The following CD44 variants were observed in gnomAD, a reference collection of about 807,000 sequenced individuals.
CD44 encodes CD44 antigen.
A neutral mutation model predicts 88.8 loss-of-function variants in CD44; 49 were observed. The ratio of observed to expected loss-of-function variants is 0.55; its 90% CI spans 0.44 to 0.70. CD44 has a LOEUF of 0.70. CD44 is among the 30% of genes least tolerant of loss of function. The probability of loss-of-function intolerance (pLI) is 0.00; values close to 1 mark genes in which losing one functional copy is unlikely to be tolerated. For missense variants in CD44, 883 were observed against 913.8 expected, an observed-to-expected ratio of 0.97 and a Z score of 0.43; for synonymous variants, 325 against 312.3, an observed-to-expected ratio of 1.04 and a Z score of -0.43.
chr11:35,211,250 G>A lies in CD44; in HGVS notation c.1611G>A (p.Arg537=), dbSNP rs1948361425. 1.9e-6 allele frequency: 3 copies of A among 1,612,478 alleles called. No homozygotes were observed. The highest frequency in any genetic ancestry group is 4.5e-5 in the East Asian group (2 of 44,866). Residue 537 remains arginine (R), a synonymous_variant, in exon 14 of 18, where the codon AGG becomes AGA. Coordinates refer to ENST00000428726, the MANE Select transcript of CD44 (RefSeq NM_000610.4). ...PTTSTLTSSN[R]NDVTGGRRDP... is the part of the protein sequence containing the mutation. ...ACTGATTCCACCTCCACACAGATAG[G>A]AATGATGTCACAGGTGGAAGAAGAG...
chr11:35,148,604 G>A (rs1478721450), intron 1 of CD44, among the ~76,000 whole-genome samples: 2 of 152,178 alleles, frequency 1.3e-5, no homozygotes, highest in African/African-American at 2.4e-5. Flanking sequence ...CATTTAAAAA[G>A]AGAAAGTTTA....
intron 7 of CD44, among the ~76,000 whole-genome samples, chr11:35,199,934 GTTTTTTTTTTTT>G (rs60509735): frequency 4.4e-5 from 4 of 90,866 alleles, no homozygotes; most frequent in African/African-American, 1.8e-4. Context: ...CCATGGTGTT[GTTTTTTTTTTTT>G]TTTTTTTTTT....
intron 1 of CD44, among the ~76,000 whole-genome samples, chr11:35,148,523 A>T (rs1181983199): frequency 1.3e-5 from 2 of 152,144 alleles, no homozygotes; most frequent in Non-Finnish European, 2.9e-5. Flanking sequence ...ATTCCTGTAG[A>T]CTCCCTTAAG....
chr11:35,207,625 G>A (rs1028090802), intron 11 of CD44, among the ~76,000 whole-genome samples: 2 of 152,074 alleles, frequency 1.3e-5, no homozygotes, highest in Non-Finnish European at 2.9e-5. Context: ...CTTGGATGAC[G>A]ATTCTGTTTA....
At chr11:35,202,636 A>C (rs1293815355) in intron 9 of CD44, among the ~76,000 whole-genome samples, 2 of 152,196 alleles carry the variant, frequency 1.3e-5, no homozygotes, top group Non-Finnish European at 2.9e-5. Context: ...CTTAAAAGCC[A>C]CTTAAAAACC....
chr11:35,176,879 G>C (rs1441664023), intron 2 of CD44, 139 bp downstream of exon 2: 1 of 745,172 alleles, frequency 1.3e-6, no homozygotes. Flanking sequence ...ATTTGGCCAA[G>C]TCAATCTGCA....
intron 3 of CD44, among the ~76,000 whole-genome samples, chr11:35,182,898 A>G (rs1292889825): frequency 6.6e-6 from 1 of 152,212 alleles, no homozygotes; most frequent in East Asian, 1.9e-4. Context: ...AGGAACCTCA[A>G]CTCAGATAGA....
chr11:35,175,015 A>G (rs927102048), intron 1 of CD44, among the ~76,000 whole-genome samples: 1 of 152,204 alleles, frequency 6.6e-6, no homozygotes, highest in Non-Finnish European at 1.5e-5. Flanking sequence ...TGGGGGTTAG[A>G]CAAGGGTGTT....
chr11:35,143,034 G>T (rs1477669352), intron 1 of CD44, among the ~76,000 whole-genome samples: 1 of 152,112 alleles, frequency 6.6e-6, no homozygotes, highest in Non-Finnish European at 1.5e-5. Flanking sequence ...TGGGTGGGGA[G>T]GGTGTGGTCT....
At chr11:35,203,598 A>G (rs1294893745) in intron 9 of CD44, among the ~76,000 whole-genome samples, 5 of 152,166 alleles carry the variant, frequency 3.3e-5, no homozygotes, top group Non-Finnish European at 7.4e-5. Context: ...CATTACTGTC[A>G]CCAAATCACA....
chr11:35,181,682 TTA>T (rs1359979652), intron 3 of CD44, among the ~76,000 whole-genome samples: 4 of 136,694 alleles, frequency 2.9e-5, no homozygotes, highest in East Asian at 2.0e-4. Flanking sequence ...ATATATATAT[TTA>T]TATATATATT....
chr11:35,180,190 C>T (rs993782932), intron 2 of CD44, 84 bp from the exon 3 acceptor site: 28 of 1,369,620 alleles, frequency 2.0e-5, no homozygotes, highest in South Asian at 1.1e-4. Flanking sequence ...AAGTGTTGCA[C>T]GGCATTAAAT....
chr11:35,181,913 ATTATATATTATATTATATATAAATT>A lies in CD44; in HGVS notation c.367+1507_367+1531del, dbSNP rs1945115186. On this transcript the variant is annotated intron_variant, in intron 3 of 17. Transcript: ENST00000428726. ...ATATATAATATAATATATAATATAT[ATTATATATTATATTATATATAAATT>A]ATATATAATATATATAAATTTTATA... Among the ~76,000 whole-genome samples the A allele has an allele frequency of 4.9e-5, 3 of 61,518 alleles. No homozygotes were observed. In the Admixed American group the frequency reaches 8.1e-4, roughly 17 times the overall value. The allele number at this position is 61,518 out of a possible 152,430, so 40.4% of individuals were successfully genotyped here. A position where few individuals can be genotyped will look rare whatever the true frequency, so the allele number is the denominator to read the frequency against.
At chr11:35,152,023 CA>C (rs1252190253) in intron 1 of CD44, among the ~76,000 whole-genome samples, 1 of 152,226 alleles carries the variant, frequency 6.6e-6, no homozygotes, top group Admixed American at 6.5e-5. Context: ...GTGGTGGCGA[CA>C]GGAGGAATAA....
Position 35,214,922 on chromosome 11 carries a change from C to T in CD44, c.1873+8C>T, listed in dbSNP as rs1241069312. The T allele has an allele frequency of 1.3e-6, 2 of 1,525,674 alleles. No individual in the cohort carries two copies. The highest frequency in any genetic ancestry group is 8.8e-7 in the Non-Finnish European group (1 of 1,133,274). The allele number at this position is 1,525,674 out of a possible 1,614,324, so 94.5% of individuals were successfully genotyped here. On this transcript the variant is annotated splice_region_variant and intron_variant, in intron 15 of 17. Transcript: ENST00000428726. Reference sequence around the variant, plus strand: ...ATGGATCTGAATCAGATGGTGAGTTCAAAACTGCTTTAGTCATTTACTGTT... The same window carrying T: ...ATGGATCTGAATCAGATGGTGAGTTTAAAACTGCTTTAGTCATTTACTGTT...
chr11:35,181,174 T>C (rs1367629013), intron 3 of CD44, among the ~76,000 whole-genome samples: 1 of 152,086 alleles, frequency 6.6e-6, no homozygotes, highest in East Asian at 1.9e-4. Flanking sequence ...ATGAGAGGGC[T>C]GGAAAAAAGC....
At chr11:35,157,345 A>ATCTG (rs1329323013) in intron 1 of CD44, among the ~76,000 whole-genome samples, 48 of 151,678 alleles carry the variant, frequency 3.2e-4, no homozygotes, top group African/African-American at 1.1e-3. Context: ...CTATCTATCT[A>ATCTG]TCTATCTATC....
chr11:35,204,549 T>C lies in CD44; in HGVS notation c.1191T>C (p.Ala397=). The C allele has an allele frequency of 5.0e-6, 8 of 1,613,426 alleles. No homozygotes were observed. Among genetic ancestry groups the C allele is most frequent in the Non-Finnish European group, 6.8e-6 (8 of 1,179,488 alleles). The change falls in exon 10 of 18, where the codon GCT becomes GCC. Residue 397 remains alanine (A), a synonymous_variant. Transcript: ENST00000428726. ...ATPSSTTEET[A]TQKEQWFGNR... is the part of the protein sequence containing the mutation. ...CTAGTAGTACAACGGAAGAAACAGC[T>C]ACCCAGAAGGAACAGTGGTTTGGCA...
At chr11:35,195,144 G>C (rs1176918787) in intron 5 of CD44, among the ~76,000 whole-genome samples, 2 of 152,246 alleles carry the variant, frequency 1.3e-5, no homozygotes, top group East Asian at 3.9e-4. Flanking sequence ...AGGAGCTTTG[G>C]GGAAAAACGA....
Sources: allele counts gnomAD v4.1 joint callset (sites outside exome capture counted in the v4.1 genomes callset), GRCh38; gene constraint gnomAD v4.1.1; transcripts MANE v1.5; gene names NCBI Gene and HGNC (gene_info 2026-07-23, HGNC 2026-07-21).